PCLO: variants seen among roughly 807,000 people sequenced by gnomAD.
The protein encoded by PCLO is piccolo presynaptic cytomatrix protein, also known as protein piccolo.
PCLO carries 82 observed loss-of-function variants against 427.5 expected under a neutral mutation model. The observed-to-expected ratio is 0.19, with a 90% CI of 0.16 to 0.23. The LOEUF is 0.23. PCLO is among the 10% of genes least tolerant of loss of function. The probability of loss-of-function intolerance (pLI) is 1.00; values close to 1 mark genes in which losing one functional copy is unlikely to be tolerated. For missense variants in PCLO, 6,239 were observed against 6,115.9 expected (o/e 1.02, Z -0.67); for synonymous variants, 2,357 against 2,155.4 (o/e 1.09, Z -2.59).
rs1228197698 is a variant in PCLO at position 82,956,564 on chromosome 7, A to G, written c.4389T>C (p.Ile1463=). 6.2e-7 allele frequency: 1 copy of G among 1,612,598 alleles called. No individual in the cohort carries two copies. Among genetic ancestry groups the G allele is most frequent in the Non-Finnish European group, 8.5e-7 (1 of 1,179,536 alleles). ...GACTCTCTTTGATCTCCTCTTCTGA[A>G]ATAGTAATTTCCAAGGTTTCAGATA... ...QSLSETLEIT[I]SEEEIKESQE... is the part of the protein sequence containing the mutation. Residue 1463 remains isoleucine (I), a synonymous_variant, in exon 5 of 25, where the codon ATT becomes ATC. Coordinates refer to ENST00000333891, the MANE Select transcript of PCLO (RefSeq NM_033026.6).
chr7:83,060,259 A>G (rs1789511505), intron 3 of PCLO, among the ~76,000 whole-genome samples: 1 of 152,104 alleles, frequency 6.6e-6, no homozygotes, highest in Non-Finnish European at 1.5e-5. Context: ...GGTGTCCTAC[A>G]TGCTTCCTGG....
chr7:82,931,210 T>A (rs1794832960), intron 6 of PCLO, among the ~76,000 whole-genome samples: 1 of 152,100 alleles, frequency 6.6e-6, no homozygotes, highest in South Asian at 2.1e-4. Context: ...AATGAGTAAA[T>A]TTAGGCAGAG....
rs550139022 is a variant in PCLO, at chr7:82,892,330, G to A, written c.13528+10321C>T. 5.0e-3 allele frequency among the ~76,000 whole-genome samples: 765 copies of A among 152,220 alleles called. 4 individuals are homozygous for A. The highest frequency in any genetic ancestry group is 8.9e-3 in the Non-Finnish European group (603 of 68,004). On this transcript the variant is annotated intron_variant, in intron 9 of 24. Coordinates refer to ENST00000333891, the MANE Select transcript of PCLO (RefSeq NM_033026.6). ...TGACAAAAACAAGAAATGGGGAAAG[G>A]ATTCCCTATTTAATAAATAGTGCTG... is the stretch of plus-strand genomic sequence containing the variant.
rs1003138238 is a variant in PCLO at position 82,934,231 on chromosome 7, C to T, written c.11112+15245G>A. 5.3e-5 allele frequency among the ~76,000 whole-genome samples: 8 copies of T among 151,654 alleles called. No individual in the cohort carries two copies. In the East Asian group the frequency reaches 1.5e-3, roughly 29 times the overall value. Reference sequence around the variant, plus strand: ...CATAGGTCGCTAATGATTATCATTTCTTTAGTTGGGGCTGTGTTTCTTGAA... The same window carrying T: ...CATAGGTCGCTAATGATTATCATTTTTTTAGTTGGGGCTGTGTTTCTTGAA... On this transcript the variant is annotated intron_variant, in intron 6 of 24. Coordinates refer to ENST00000333891, the MANE Select transcript of PCLO (RefSeq NM_033026.6).
chr7:83,102,722 T>G (rs1278847476), intron 3 of PCLO, among the ~76,000 whole-genome samples: 1 of 151,900 alleles, frequency 6.6e-6, no homozygotes, highest in East Asian at 1.9e-4. Context: ...CATTTCTTAT[T>G]GAAAAAATAA....
intron 3 of PCLO, among the ~76,000 whole-genome samples, chr7:83,025,169 A>G (rs908644264): frequency 6.6e-6 from 1 of 152,198 alleles, no homozygotes; most frequent in South Asian, 2.1e-4. Context: ...CTACGGGAGG[A>G]TATTCAAACC....
chr7:83,077,019 T>A (rs1168142972), intron 3 of PCLO, among the ~76,000 whole-genome samples: 1 of 68,934 alleles, frequency 1.5e-5, no homozygotes, highest in Non-Finnish European at 2.6e-5. Context: ...TAAAAATGCA[T>A]TGATATATAT....
intron 3 of PCLO, among the ~76,000 whole-genome samples, chr7:83,064,048 G>A (rs1379779922): frequency 6.6e-6 from 1 of 152,010 alleles, no homozygotes; most frequent in East Asian, 1.9e-4. Context: ...CTCCTACAAT[G>A]AGAATGGTAA....
chr7:83,027,346 G>C (rs1348621515), intron 3 of PCLO, among the ~76,000 whole-genome samples: 1 of 152,034 alleles, frequency 6.6e-6, no homozygotes, highest in East Asian at 1.9e-4. Context: ...AAATAATCTA[G>C]AAAATCTAGA....
intron 3 of PCLO, among the ~76,000 whole-genome samples, chr7:83,112,773 T>TTTTAATTAGAAGCA (rs1791038358): frequency 6.6e-6 from 1 of 152,160 alleles, no homozygotes; most frequent in African/African-American, 2.4e-5. Flanking sequence ...ATTAAATAAG[T>TTTTAATTAGAAGCA]AAAAATTAGA....
At chr7:83,021,914 T>C (rs1788353133) in intron 3 of PCLO, among the ~76,000 whole-genome samples, 3 of 152,182 alleles carry the variant, frequency 2.0e-5, no homozygotes, top group South Asian at 2.1e-4. Context: ...GTTGTTCATA[T>C]TGGCCTGCAA....
At chr7:82,885,894 C>T (rs536426672) in intron 9 of PCLO, among the ~76,000 whole-genome samples, 23 of 152,130 alleles carry the variant, frequency 1.5e-4, no homozygotes, top group Middle Eastern at 3.4e-3. Context: ...GAGTGAAGCC[C>T]ATATTCTTTC....
chr7:82,844,784 T>A (rs1210056529), intron 13 of PCLO, among the ~76,000 whole-genome samples: 1 of 152,092 alleles, frequency 6.6e-6, no homozygotes, highest in Non-Finnish European at 1.5e-5. Flanking sequence ...TTTGCATCAA[T>A]AAAAAAATTC....
At chr7:82,971,011 T>C (rs1317081827) in intron 3 of PCLO, among the ~76,000 whole-genome samples, 1 of 151,888 alleles carries the variant, frequency 6.6e-6, no homozygotes, top group Non-Finnish European at 1.5e-5. Context: ...TTTCATTCTT[T>C]AACAAAAATA....
chr7:82,770,169 G>C (rs776957211), intron 22 of PCLO, among the ~76,000 whole-genome samples: 47 of 151,832 alleles, frequency 3.1e-4, no homozygotes, highest in Non-Finnish European at 5.0e-4. Context: ...AAATTACAAA[G>C]GTAAATTGTT....
chr7:82,821,129 G>A, intron 20 of PCLO: 6 of 1,028,950 alleles, frequency 5.8e-6, no homozygotes, highest in Non-Finnish European at 7.0e-6. Context: ...TGGCTTGACT[G>A]GTCCATCAGA....
intron 20 of PCLO, among the ~76,000 whole-genome samples, chr7:82,810,984 G>C (rs1307994843): frequency 6.6e-6 from 1 of 151,632 alleles, no homozygotes; most frequent in East Asian, 1.9e-4. Context: ...TTAGTGTTTG[G>C]AATGTAAATA....
intron 3 of PCLO, among the ~76,000 whole-genome samples, chr7:83,131,115 C>T (rs1358198766): frequency 6.6e-6 from 1 of 152,076 alleles, no homozygotes; most frequent in African/African-American, 2.4e-5. Context: ...TCTGTAAGAC[C>T]AGCTTTTTAA....
intron 10 of PCLO, among the ~76,000 whole-genome samples, chr7:82,866,636 T>C (rs1793099582): frequency 6.9e-6 from 1 of 145,370 alleles, no homozygotes; most frequent in Non-Finnish European, 1.5e-5. Flanking sequence ...TTTCCTTCAC[T>C]ACTCTCAATG....
Sources: gnomAD v4.1 joint callset for allele counts (sites outside exome capture counted in the v4.1 genomes callset) on GRCh38, gnomAD v4.1.1 for gene constraint, MANE v1.5 for transcripts, NCBI Gene and HGNC (gene_info 2026-07-23, HGNC 2026-07-21) for gene names.